The following PCDHGA2 variants were observed in gnomAD, a reference collection of about 807,000 sequenced individuals.
PCDHGA2 encodes protocadherin gamma subfamily A, 2, also known as protocadherin gamma-A2.
PCDHGA2 carries 40 observed loss-of-function variants against 59.2 expected under a neutral mutation model. That is an observed-to-expected ratio of 0.68 (90% CI 0.52 to 0.88). The LOEUF (loss-of-function observed/expected upper bound fraction) is 0.88, where lower values mean the gene tolerates loss of function less well. Ranked by LOEUF, PCDHGA2 falls within the 40% of genes least tolerant of loss-of-function variation. The probability of loss-of-function intolerance (pLI) is 0.00; values close to 1 mark genes in which losing one functional copy is unlikely to be tolerated. For missense variants in PCDHGA2, 1,226 were observed against 1,204.0 expected, an observed-to-expected ratio of 1.02 and a Z score of -0.27; for synonymous variants, 560 against 526.0, an observed-to-expected ratio of 1.06 and a Z score of -0.89.
At position 141,485,120 on chromosome 5, in the gene PCDHGA2, G is replaced by A. The variant is rs2099607447; in HGVS notation, c.2425-9687G>A. On this transcript the variant is annotated intron_variant, in intron 1 of 3. Coordinates refer to ENST00000394576, the MANE Select transcript of PCDHGA2 (RefSeq NM_018915.4). The surrounding 1 kb of genome is among the most constrained non-coding windows in gnomAD (Gnocchi z 5.7). ...TCCAGCTGCTGTGGCTGTTTGGGGC[G>A]GGTCGGCTTCATCCGCGTCTCAGGA... The A allele has an allele frequency of 1.5e-6, 2 of 1,348,050 alleles. No homozygotes were observed. Among genetic ancestry groups the A allele is most frequent in the Non-Finnish European group, 2.1e-6 (2 of 952,710 alleles). 83.5% of individuals were successfully genotyped at this position (1,348,050 alleles called of 1,614,324 possible).
At chr5:141,372,346 A>G (rs781226207) in intron 1 of PCDHGA2, 1 of 1,613,714 alleles carries the variant, frequency 6.2e-7, no homozygotes, top group African/African-American at 1.3e-5. Flanking sequence ...GATGGAGGAC[A>G]GCAGCCTCTT....
In PCDHGA2 at chr5:141,491,244, T is replaced by G. The variant is rs754328211; in HGVS notation, c.2425-3563T>G. The G allele has an allele frequency of 6.2e-6, 10 of 1,614,092 alleles. No homozygotes were observed. The South Asian group carries it at 1.1e-4, about 18-fold the overall frequency. ...CCACAGTGCTGCTGGTTCTGGAGGA[T>G]GAGGACCCTGAGGAAATGCCCAAAT... On this transcript the variant is annotated intron_variant, in intron 1 of 3. Transcript: ENST00000394576. This position sits in a 1 kb window ranked among gnomAD's most constrained non-coding sequence, Gnocchi z 6.9.
chr5:141,345,566 T>G, intron 1 of PCDHGA2: 1 of 1,614,182 alleles, frequency 6.2e-7, no homozygotes, highest in Non-Finnish European at 8.5e-7. Flanking sequence ...ACTCCAACAC[T>G]GGCGTCCTAT....
intron 1 of PCDHGA2, among the ~76,000 whole-genome samples, chr5:141,437,310 C>T (rs1226274834): frequency 6.6e-6 from 1 of 152,166 alleles, no homozygotes; most frequent in Non-Finnish European, 1.5e-5. Flanking sequence ...TTAAAGCGTT[C>T]AGCTATAATT....
chr5:141,359,225 G>A (rs932718388), intron 1 of PCDHGA2, among the ~76,000 whole-genome samples: 4 of 152,074 alleles, frequency 2.6e-5, no homozygotes, highest in Admixed American at 2.6e-4. Context: ...TACATCTGAG[G>A]AGAGATTGTT....
chr5:141,390,158 A>G, intron 1 of PCDHGA2: 1 of 1,614,042 alleles, frequency 6.2e-7, no homozygotes, highest in Non-Finnish European at 8.5e-7. Context: ...CACATACAGG[A>G]AAGACGGAGT....
chr5:141,418,832 G>A, intron 1 of PCDHGA2: 1 of 1,614,008 alleles, frequency 6.2e-7, no homozygotes, highest in Non-Finnish European at 8.5e-7. Flanking sequence ...AAAAGACCGA[G>A]GATCTCTCTC....
In PCDHGA2 at chr5:141,510,980, G is replaced by A; in HGVS notation, c.2606G>A (p.Gly869Asp). The change falls in exon 4 of 4, where the codon GGT becomes GAT. Residue 869 changes from glycine (G) to aspartate (D), a missense_variant. Transcript: ENST00000394576. ...AADGSSTLGGGAGTMGLSARY... is the reference protein window; with the variant it reads ...AADGSSTLGGDAGTMGLSARY... ...GATGGGAGCTCCACCCTGGGAGGGG[G>A]TGCCGGCACCATGGGATTGAGCGCC... 1 of 1,614,170 alleles carries A rather than the reference G, an allele frequency of 6.2e-7. No homozygotes were observed.
At chr5:141,504,980 G>A (rs113323355) in intron 2 of PCDHGA2, among the ~76,000 whole-genome samples, 174 of 152,196 alleles carry the variant, frequency 1.1e-3, no homozygotes, top group African/African-American at 3.9e-3. Context: ...TGGCCAACAT[G>A]GTGAAACCCC....
intron 1 of PCDHGA2, chr5:141,410,052 T>C: frequency 6.2e-7 from 1 of 1,613,122 alleles, no homozygotes; most frequent in Non-Finnish European, 8.5e-7. Context: ...CCCGGACTCT[T>C]CAGCCTGGGG....
rs1267535064 is a variant in PCDHGA2, at chr5:141,395,542, T to TTGTTTGTG, written c.2424+54150_2424+54151insTTGTGTGT. On this transcript the variant is annotated intron_variant, in intron 1 of 3. Coordinates refer to ENST00000394576, the MANE Select transcript of PCDHGA2 (RefSeq NM_018915.4). Reference sequence around the variant, plus strand: ...TCCATACTGGTAATTTTGCTATTGTTTGTGTGTGTGTGTGTGTGTGTGTGT... The same window carrying TTGTTTGTG: ...TCCATACTGGTAATTTTGCTATTGTTTGTTTGTGTGTGTGTGTGTGTGTGTGTGTGTGT... 308 of 172,612 alleles carry TTGTTTGTG rather than the reference T, an allele frequency of 1.8e-3. 2 individuals are homozygous for TTGTTTGTG. Among genetic ancestry groups the TTGTTTGTG allele is most frequent in the African/African-American group, 0.017 (292 of 17,534 alleles). The allele number at this position is 172,612 out of a possible 1,614,324, so 10.7% of individuals were successfully genotyped here.
chr5:141,341,350 G>T lies in PCDHGA2; in HGVS notation c.2379G>T (p.Ala793=), dbSNP rs1757048986. 2 of 1,614,230 alleles carry T rather than the reference G, an allele frequency of 1.2e-6. No individual in the cohort carries two copies. Among genetic ancestry groups the T allele is most frequent in the Non-Finnish European group, 8.5e-7 (1 of 1,180,048 alleles). Residue 793 remains alanine (A), a synonymous_variant, in exon 1 of 4, where the codon GCG becomes GCT. Coordinates refer to ENST00000394576, the MANE Select transcript of PCDHGA2 (RefSeq NM_018915.4). ...GTGAGAAAAAGGATTTTTTATCAGC[G>T]CCTCAATCTCTACTCGAAGAAGAAA... The part of the protein sequence containing the change: ...ESCEKKDFLS[A]PQSLLEEERE...
intron 2 of PCDHGA2, among the ~76,000 whole-genome samples, chr5:141,503,685 G>A (rs1171934407): frequency 2.6e-5 from 4 of 151,882 alleles, no homozygotes; most frequent in African/African-American, 9.7e-5. Context: ...TTGGGAAGGA[G>A]AATTGAGATT....
chr5:141,390,749 ACT>A (rs2092225079), intron 1 of PCDHGA2: 1 of 170,960 alleles, frequency 5.8e-6, no homozygotes, highest in Admixed American at 5.7e-5. Flanking sequence ...ATAGTAGTCC[ACT>A]GTTTTGTTTC....
chr5:141,490,128 C>T lies in PCDHGA2; in HGVS notation c.2425-4679C>T, dbSNP rs970815408. 1.2e-6 allele frequency: 2 copies of T among 1,614,254 alleles called. No homozygotes were observed. Among genetic ancestry groups the T allele is most frequent in the Non-Finnish European group, 8.5e-7 (1 of 1,180,042 alleles). ...CAGTGCGGAACCTCTTTGGCCTAGA[C>T]CCTAGCAGTGGGGCAATCCATGTGT... On this transcript the variant is annotated intron_variant, in intron 1 of 3. Transcript: ENST00000394576. The surrounding 1 kb of genome is among the most constrained non-coding windows in gnomAD (Gnocchi z 5.4).
intron 1 of PCDHGA2, chr5:141,418,454 ACTCTG>A (rs2096260396): frequency 3.1e-6 from 5 of 1,613,892 alleles, no homozygotes; most frequent in Non-Finnish European, 4.2e-6. Context: ...ATTGCAGAAG[ACTCTG>A]GACCGAGAAA....
At position 141,351,652 on chromosome 5, in the gene PCDHGA2, C is replaced by A. The variant is rs778580373; in HGVS notation, c.2424+10257C>A. On this transcript the variant is annotated intron_variant, in intron 1 of 3. Coordinates refer to ENST00000394576, the MANE Select transcript of PCDHGA2 (RefSeq NM_018915.4). ...ACGTGTCTGAGAACAACCCACCTGG[C>A]GCCTCCATTGCACAAGTAAGCGCCT... The A allele has an allele frequency of 1.7e-4, 281 of 1,614,054 alleles. 2 individuals carry two copies. In the Admixed American group the frequency reaches 3.6e-3, roughly 21 times the overall value.
intron 1 of PCDHGA2, among the ~76,000 whole-genome samples, chr5:141,363,031 T>C (rs1425666122): frequency 6.6e-6 from 1 of 152,248 alleles, no homozygotes; most frequent in Non-Finnish European, 1.5e-5. Context: ...CATTGTCCCA[T>C]TGACTTGAAG....
chr5:141,398,557 G>A, intron 1 of PCDHGA2: 1 of 1,613,916 alleles, frequency 6.2e-7, no homozygotes. Flanking sequence ...GCAAATAAGT[G>A]AGTCTGCACA....
Sources: allele counts gnomAD v4.1 joint callset (sites outside exome capture counted in the v4.1 genomes callset), GRCh38; gene constraint gnomAD v4.1.1; non-coding constraint Gnocchi (gnomAD v3.1); transcripts MANE v1.5; gene names NCBI Gene and HGNC (gene_info 2026-07-23, HGNC 2026-07-21).